The following CGNL1 variants were observed in gnomAD, a reference collection of about 807,000 sequenced individuals.
The protein encoded by CGNL1 is cingulin-like protein 1.
A neutral mutation model predicts 141.2 loss-of-function variants in CGNL1; 132 were observed. The ratio of observed to expected loss-of-function variants is 0.93; its 90% confidence interval spans 0.81 to 1.08. The LOEUF is 1.08. Among genes scored for constraint, CGNL1 ranks in the 50% least tolerant of loss-of-function variants. CGNL1 has a pLI of 0.00. For missense variants in CGNL1, 1,870 were observed against 1,588.6 expected (o/e 1.18, Z -3.01); for synonymous variants, 690 against 622.1 (o/e 1.11, Z -1.63).
At chr15:57,441,339 T>C (rs1233269895) in intron 3 of CGNL1, among the ~76,000 whole-genome samples, 3 of 152,150 alleles carry the variant, frequency 2.0e-5, no homozygotes, top group Non-Finnish European at 4.4e-5. Flanking sequence ...AAGATTAAGG[T>C]AGAAGAAATC....
At chr15:57,392,212 T>C (rs1189646637) in intron 1 of CGNL1, among the ~76,000 whole-genome samples, 2 of 152,122 alleles carry the variant, frequency 1.3e-5, no homozygotes, top group African/African-American at 4.8e-5. Context: ...AAGAAAGTGA[T>C]AGGTGTTTTC....
At chr15:57,387,960 A>G (rs916039933) in intron 1 of CGNL1, among the ~76,000 whole-genome samples, 1 of 152,240 alleles carries the variant, frequency 6.6e-6, no homozygotes, top group African/African-American at 2.4e-5. Flanking sequence ...CTCAGCTGCC[A>G]CTAGTAGAAG....
chr15:57,524,662 A>C lies in CGNL1; in HGVS notation c.2950A>C (p.Arg984=). 1 of 1,614,224 alleles carries C rather than the reference A, an allele frequency of 6.2e-7. No homozygotes were observed. The highest frequency in any genetic ancestry group is 8.5e-7 in the Non-Finnish European group (1 of 1,180,030). The change falls in exon 12 of 19, where the codon AGG becomes CGG. Residue 984 remains arginine (R), a synonymous_variant. Transcript: ENST00000281282. ...QLDEYKEKNR[R]ELAEMQRQLK... ...GGATGAGTATAAGGAGAAAAACCGC[A>C]GGGAGCTCGCAGAAATGCAAAGACA...
chr15:57,539,399 C>G (rs1255430212), intron 14 of CGNL1, among the ~76,000 whole-genome samples: 4 of 152,098 alleles, frequency 2.6e-5, no homozygotes, highest in Admixed American at 6.5e-5. Context: ...GGTGGCTGCT[C>G]TCCTGTGACA....
chr15:57,415,089 A>G (rs2062834160), intron 1 of CGNL1, among the ~76,000 whole-genome samples: 1 of 152,284 alleles, frequency 6.6e-6, no homozygotes, highest in South Asian at 2.1e-4. Context: ...AACTCGGACA[A>G]CTGAGATCAA....
chr15:57,477,663 A>C (rs1232876735), intron 8 of CGNL1: 2 of 152,238 alleles, frequency 1.3e-5, no homozygotes, highest in African/African-American at 2.4e-5. Context: ...TTGTGAGAAG[A>C]AGCCTTCCAT....
In CGNL1 at chr15:57,415,928, G is replaced by C. The variant is rs907211369; in HGVS notation, c.-15-22057G>C. Among the ~76,000 whole-genome samples the C allele has an allele frequency of 2.6e-5, 4 of 152,162 alleles. No individual in the cohort carries two copies. The South Asian group carries it at 8.3e-4, about 32-fold the overall frequency. ...ACCTCCAGTGGGATTAGAGATGGCG[G>C]CTGCTTCCCTGAGTTTCCCTTTGCC... On this transcript the variant is annotated intron_variant, in intron 1 of 18. Transcript: ENST00000281282.
At chr15:57,394,101 G>GGTTTTTTTTTTTTTTTTTTTTT (rs2062574056) in intron 1 of CGNL1, 1 of 33,470 alleles carries the variant, frequency 3.0e-5, no homozygotes, top group Non-Finnish European at 6.4e-5. Context: ...GGTAATTTCT[G>GGTTTTTTTTTTTTTTTTTTTTT]TTTGTTTTTT....
chr15:57,523,465 C>G (rs2031401561), intron 10 of CGNL1, 24 bp from the exon 11 acceptor site: 2 of 1,613,512 alleles, frequency 1.2e-6, no homozygotes, highest in Admixed American at 1.7e-5. Flanking sequence ...GGTGACAGCA[C>G]TGTCCTTTCC....
chr15:57,480,480 A>G (rs1417904785), intron 8 of CGNL1, among the ~76,000 whole-genome samples: 1 of 152,160 alleles, frequency 6.6e-6, no homozygotes, highest in Non-Finnish European at 1.5e-5. Flanking sequence ...AGATCCTGCC[A>G]TTGCACTCCA....
chr15:57,517,833 A>T (rs2030935395), intron 9 of CGNL1, among the ~76,000 whole-genome samples: 1 of 152,180 alleles, frequency 6.6e-6, no homozygotes, highest in Admixed American at 6.5e-5. Flanking sequence ...ATATCATTAC[A>T]ATGGCAATTA....
At chr15:57,528,250 C>G (rs2031734753) in intron 12 of CGNL1, among the ~76,000 whole-genome samples, 1 of 151,034 alleles carries the variant, frequency 6.6e-6, no homozygotes, top group Non-Finnish European at 1.5e-5. Flanking sequence ...AAGCAAGACT[C>G]CATCTCAAAA....
Position 57,533,106 on chromosome 15 carries a change from A to G in CGNL1, c.3291+1327A>G, listed in dbSNP as rs147862114. ...CGTATTCTTTTAGGTCCCTGTTGAT[A>G]GATTTCTTTGCAAACAAGTGGGATA... On this transcript the variant is annotated intron_variant, in intron 14 of 18. Coordinates refer to ENST00000281282, the MANE Select transcript of CGNL1 (RefSeq NM_032866.5). Among the ~76,000 whole-genome samples the G allele has an allele frequency of 2.6e-4, 39 of 152,308 alleles. 1 individual carries two copies. The highest frequency in any genetic ancestry group is 1.7e-3 in the South Asian group (8 of 4,818).
chr15:57,390,126 G>A (rs1190102876), intron 1 of CGNL1, among the ~76,000 whole-genome samples: 1 of 152,216 alleles, frequency 6.6e-6, no homozygotes, highest in Non-Finnish European at 1.5e-5. Context: ...CCAGATCCCA[G>A]TTCTTTATGA....
intron 1 of CGNL1, among the ~76,000 whole-genome samples, chr15:57,431,307 A>G (rs1486266918): frequency 6.6e-6 from 1 of 152,200 alleles, no homozygotes; most frequent in Non-Finnish European, 1.5e-5. Context: ...TTGTTTTCCC[A>G]GGGAGTTCTG....
intron 4 of CGNL1, 29 bp downstream of exon 4, chr15:57,442,507 T>C: frequency 7.4e-7 from 1 of 1,359,404 alleles, no homozygotes; most frequent in Non-Finnish European, 1.1e-6. Flanking sequence ...TTTTGTAGAG[T>C]GCATTTAGCA....
chr15:57,455,661 A>C (rs1707592576), intron 7 of CGNL1, among the ~76,000 whole-genome samples: 1 of 152,246 alleles, frequency 6.6e-6, no homozygotes, highest in Admixed American at 6.5e-5. Flanking sequence ...TTCGTATTTA[A>C]ATTACTTTTA....
chr15:57,421,139 A>G (rs1946613162), intron 1 of CGNL1, among the ~76,000 whole-genome samples: 1 of 152,186 alleles, frequency 6.6e-6, no homozygotes, highest in Non-Finnish European at 1.5e-5. Context: ...TACCAAGGAA[A>G]GGCCGTGTGA....
At position 57,550,328 on chromosome 15, in the gene CGNL1, G is replaced by A. The variant is rs561937766; in HGVS notation, c.*2838G>A. ...GAACAAAGTGCAGATTAGTGCCCAC[G>A]GTCCTTTCCAGGTATAACATGCTAT... is the stretch of plus-strand genomic sequence containing the variant. On this transcript the variant is annotated 3_prime_UTR_variant, in exon 19 of 19. Coordinates refer to ENST00000281282, the MANE Select transcript of CGNL1 (RefSeq NM_032866.5). 8 of 152,622 alleles carry A rather than the reference G, an allele frequency of 5.2e-5. No homozygotes were observed. The highest frequency in any genetic ancestry group is 2.1e-4 in the South Asian group (1 of 4,812). 9.5% of individuals were successfully genotyped at this position (152,622 alleles called of 1,614,324 possible).
Sources: gnomAD v4.1 joint callset for allele counts (sites outside exome capture counted in the v4.1 genomes callset) on GRCh38, gnomAD v4.1.1 for gene constraint, MANE v1.5 for transcripts, NCBI Gene and HGNC (gene_info 2026-07-23, HGNC 2026-07-21) for gene names.